LHFPL6: variants seen among roughly 807,000 people sequenced by gnomAD.
The protein encoded by LHFPL6 is LHFPL tetraspan subfamily member 6 protein.
Under a neutral mutation model 20.6 loss-of-function variants are expected in LHFPL6, and 9 were observed. The observed-to-expected ratio is 0.44, with a 90% confidence interval of 0.26 to 0.76. LHFPL6 has a LOEUF of 0.76. LHFPL6 is among the 30% of genes least tolerant of loss of function. LHFPL6 has a pLI of 0.20. For synonymous variants in LHFPL6, 105 were observed against 98.7 expected (o/e 1.06, Z -0.38); for missense variants, 218 against 253.5 (o/e 0.86, Z 0.95).
intron 2 of LHFPL6, among the ~76,000 whole-genome samples, chr13:39,498,463 C>A (rs981587434): frequency 1.3e-5 from 2 of 152,146 alleles, no homozygotes; most frequent in Admixed American, 1.3e-4. Flanking sequence ...TATCAGGATC[C>A]TTTTTAATTC....
At chr13:39,427,384 C>G (rs566044351) in intron 2 of LHFPL6, among the ~76,000 whole-genome samples, 13 of 152,318 alleles carry the variant, frequency 8.5e-5, no homozygotes, top group Admixed American at 3.9e-4. Context: ...CAGTCTTTCA[C>G]CATAAAAATC....
chr13:39,392,465 G>A (rs762611908), intron 2 of LHFPL6, among the ~76,000 whole-genome samples: 1 of 152,058 alleles, frequency 6.6e-6, no homozygotes, highest in African/African-American at 2.4e-5. Context: ...ATGGTGGCAG[G>A]CACCTGTAAT....
At chr13:39,494,065 T>C (rs759323742) in intron 2 of LHFPL6, among the ~76,000 whole-genome samples, 1 of 152,214 alleles carries the variant, frequency 6.6e-6, no homozygotes, top group African/African-American at 2.4e-5. Flanking sequence ...TACATTTCCA[T>C]GTCAGTCTCA....
chr13:39,430,224 T>C (rs1275495056), intron 2 of LHFPL6, among the ~76,000 whole-genome samples: 1 of 152,214 alleles, frequency 6.6e-6, no homozygotes, highest in African/African-American at 2.4e-5. Context: ...TTCTCAAAAC[T>C]TATTCCCCAT....
At chr13:39,458,889 A>C (rs1233310940) in intron 2 of LHFPL6, among the ~76,000 whole-genome samples, 1 of 152,184 alleles carries the variant, frequency 6.6e-6, no homozygotes, top group Non-Finnish European at 1.5e-5. Context: ...ATACCGAAGA[A>C]ATAACTTGAA....
intron 3 of LHFPL6, among the ~76,000 whole-genome samples, chr13:39,369,256 ATC>A (rs1328640908): frequency 2.0e-5 from 3 of 152,130 alleles, no homozygotes; most frequent in African/African-American, 7.2e-5. Context: ...CCTGCTATAA[ATC>A]TCTGCAAGCC....
At chr13:39,580,246 T>C (rs972073912) in intron 2 of LHFPL6, among the ~76,000 whole-genome samples, 3 of 151,772 alleles carry the variant, frequency 2.0e-5, no homozygotes, top group Non-Finnish European at 4.4e-5. Context: ...TAAAATGCCA[T>C]CAGAAGTAAG....
chr13:39,539,008 CAA>C (rs1286849317), intron 2 of LHFPL6, among the ~76,000 whole-genome samples: 6 of 152,096 alleles, frequency 3.9e-5, no homozygotes, highest in Non-Finnish European at 7.3e-5. Flanking sequence ...GGCATGAAAG[CAA>C]CCATAGACAA....
At chr13:39,541,527 C>T (rs756913000) in intron 2 of LHFPL6, among the ~76,000 whole-genome samples, 35 of 152,134 alleles carry the variant, frequency 2.3e-4, no homozygotes, top group Non-Finnish European at 4.3e-4. Flanking sequence ...TCTAACTCTG[C>T]TTCTGTAAAT....
intron 2 of LHFPL6, among the ~76,000 whole-genome samples, chr13:39,543,864 G>C (rs1387013868): frequency 6.6e-6 from 1 of 152,190 alleles, no homozygotes; most frequent in Non-Finnish European, 1.5e-5. Context: ...AGCAGACAAA[G>C]CAGTATCTTG....
intron 2 of LHFPL6, among the ~76,000 whole-genome samples, chr13:39,391,189 T>C (rs1870700982): frequency 6.6e-6 from 1 of 152,178 alleles, no homozygotes; most frequent in Non-Finnish European, 1.5e-5. Context: ...AATTAAAGCA[T>C]GAAACTGCGT....
At chr13:39,456,339 C>A (rs1872568794) in intron 2 of LHFPL6, among the ~76,000 whole-genome samples, 1 of 152,198 alleles carries the variant, frequency 6.6e-6, no homozygotes, top group Non-Finnish European at 1.5e-5. Flanking sequence ...TAGCACTTTA[C>A]TCCCAAATCT....
chr13:39,556,589 G>C (rs1871310830), intron 2 of LHFPL6, among the ~76,000 whole-genome samples: 1 of 152,186 alleles, frequency 6.6e-6, no homozygotes, highest in South Asian at 2.1e-4. Context: ...AGACATTCAA[G>C]AAGTGGCCTA....
chr13:39,598,713 G>A (rs965341802), intron 2 of LHFPL6, among the ~76,000 whole-genome samples: 15 of 152,044 alleles, frequency 9.9e-5, no homozygotes, highest in African/African-American at 2.4e-4. Context: ...CCACCACCAC[G>A]CCTGGCTAAT....
intron 3 of LHFPL6, among the ~76,000 whole-genome samples, chr13:39,374,131 T>A (rs1461245188): frequency 6.6e-6 from 1 of 152,038 alleles, no homozygotes; most frequent in African/African-American, 2.4e-5. Flanking sequence ...AACCTAGGTG[T>A]CCATCAATGG....
chr13:39,393,117 C>T (rs934653546), intron 2 of LHFPL6, among the ~76,000 whole-genome samples: 1 of 151,984 alleles, frequency 6.6e-6, no homozygotes, highest in Non-Finnish European at 1.5e-5. Context: ...GGGACTTGAA[C>T]AACTGCAGAT....
intron 2 of LHFPL6, among the ~76,000 whole-genome samples, chr13:39,461,938 C>G (rs189211386): frequency 1.3e-5 from 2 of 151,254 alleles, no homozygotes; most frequent in Admixed American, 1.3e-4. Context: ...TCTCTCACAA[C>G]AAAGACAAAA....
chr13:39,451,844 T>C (rs966747428), intron 2 of LHFPL6, among the ~76,000 whole-genome samples: 1 of 152,204 alleles, frequency 6.6e-6, no homozygotes, highest in African/African-American at 2.4e-5. Flanking sequence ...TTCAAGTAAT[T>C]CCTGTTAAAT....
chr13:39,523,010 G>C (rs1038167892), intron 2 of LHFPL6, among the ~76,000 whole-genome samples: 5 of 152,230 alleles, frequency 3.3e-5, no homozygotes, highest in African/African-American at 9.6e-5. Flanking sequence ...TGTAAGATGA[G>C]GGAAATACTA....
Sources: allele counts gnomAD v4.1 joint callset (sites outside exome capture counted in the v4.1 genomes callset), GRCh38; gene constraint gnomAD v4.1.1; transcripts MANE v1.5; gene names NCBI Gene and HGNC (gene_info 2026-07-23, HGNC 2026-07-21).